HECW2: variants seen among roughly 807,000 people sequenced by gnomAD.
HECW2 encodes the protein HECT, C2 and WW domain containing E3 ubiquitin protein ligase 2, also known as E3 ubiquitin-protein ligase HECW2.
HECW2 carries 61 observed loss-of-function variants against 175.2 expected under a neutral mutation model. The ratio of observed to expected loss-of-function variants is 0.35; its 90% confidence interval spans 0.28 to 0.43. The LOEUF (loss-of-function observed/expected upper bound fraction) is 0.43, where lower values mean the gene tolerates loss of function less well. Ranked by LOEUF, HECW2 falls within the 20% of genes least tolerant of loss-of-function variation. The probability of loss-of-function intolerance (pLI) is 1.00; values close to 1 mark genes in which losing one functional copy is unlikely to be tolerated. For missense variants in HECW2, 1,524 were observed against 2,000.5 expected (o/e 0.76, Z 4.54); for synonymous variants, 671 against 731.0 (o/e 0.92, Z 1.32).
chr2:196,408,988 G>C (rs796146077), intron 2 of HECW2, among the ~76,000 whole-genome samples: 1 of 152,318 alleles, frequency 6.6e-6, no homozygotes, highest in African/African-American at 2.4e-5. Context: ...TGGTGTGCGG[G>C]AGTCTATTGT....
At chr2:196,479,982 T>C (rs971502540) in intron 1 of HECW2, among the ~76,000 whole-genome samples, 2 of 152,186 alleles carry the variant, frequency 1.3e-5, no homozygotes, top group Non-Finnish European at 2.9e-5. Flanking sequence ...ATTAAATGCT[T>C]TGACCTAGAA....
At chr2:196,355,760 G>A (rs754337814) in intron 2 of HECW2, among the ~76,000 whole-genome samples, 25 of 152,054 alleles carry the variant, frequency 1.6e-4, no homozygotes, top group Non-Finnish European at 3.4e-4. Context: ...TGTCCTGGTG[G>A]AGATTTTGGT....
chr2:196,272,670 C>G (rs1689783736), intron 16 of HECW2, among the ~76,000 whole-genome samples: 1 of 152,050 alleles, frequency 6.6e-6, no homozygotes, highest in African/African-American at 2.4e-5. Context: ...TATACAATAA[C>G]AATTTTAAAG....
In HECW2 at chr2:196,293,283, G is replaced by A. The variant is rs1690674942; in HGVS notation, c.2815-533C>T. 2.6e-5 allele frequency among the ~76,000 whole-genome samples: 4 copies of A among 152,260 alleles called. No homozygotes were observed. The South Asian group carries it at 6.2e-4, about 24-fold the overall frequency. On this transcript the variant is annotated intron_variant, in intron 13 of 28. Coordinates refer to ENST00000644978, the MANE Select transcript of HECW2 (RefSeq NM_001348768.2). ...TTTTCTGTTCCTGTGTTAGTTTGCT[G>A]AGGATAATGGCTTCCAGTTCCATCC...
At chr2:196,249,445 A>G (rs1183991692) in intron 19 of HECW2, among the ~76,000 whole-genome samples, 1 of 113,448 alleles carries the variant, frequency 8.8e-6, no homozygotes, top group African/African-American at 3.0e-5. Context: ...ATACATGTCA[A>G]CGTGCTTGGA....
intron 1 of HECW2, among the ~76,000 whole-genome samples, chr2:196,546,316 T>C (rs1689422046): frequency 6.6e-6 from 1 of 152,228 alleles, no homozygotes; most frequent in Admixed American, 6.5e-5. Context: ...CATCACTTGT[T>C]TACACGTCTC....
At chr2:196,392,418 A>T (rs1694540724) in intron 2 of HECW2, among the ~76,000 whole-genome samples, 1 of 152,106 alleles carries the variant, frequency 6.6e-6, no homozygotes, top group South Asian at 2.1e-4. Context: ...CTTTGCTTTT[A>T]AGTTTTATAT....
intron 2 of HECW2, 136 bp downstream of exon 2, chr2:196,432,996 A>T: frequency 1.3e-6 from 1 of 767,134 alleles, no homozygotes; most frequent in Non-Finnish European, 2.1e-6. Flanking sequence ...AGAAGAAAAA[A>T]AATAAATTCC....
intron 1 of HECW2, among the ~76,000 whole-genome samples, chr2:196,592,151 G>C (rs1440271300): frequency 6.6e-6 from 1 of 152,008 alleles, no homozygotes; most frequent in Non-Finnish European, 1.5e-5. Flanking sequence ...CTTTCACAAA[G>C]GTATATATAT....
At position 196,546,116 on chromosome 2, in the gene HECW2, G is replaced by A. The variant is rs72914649; in HGVS notation, c.-36+47392C>T. Among the ~76,000 whole-genome samples the A allele has an allele frequency of 8.1e-3, 1,234 of 152,330 alleles. 13 individuals carry two copies. Among genetic ancestry groups the A allele is most frequent in the Non-Finnish European group, 0.014 (947 of 68,022 alleles). On this transcript the variant is annotated intron_variant, in intron 1 of 28. Coordinates refer to ENST00000644978, the MANE Select transcript of HECW2 (RefSeq NM_001348768.2). Reference sequence around the variant, plus strand: ...ACGATAAGAAATTCAGAGGACAAAAGTGCATGTTTGCAAATTTATCTCCTA... The same window carrying A: ...ACGATAAGAAATTCAGAGGACAAAAATGCATGTTTGCAAATTTATCTCCTA...
At chr2:196,570,000 C>T (rs181986107) in intron 1 of HECW2, among the ~76,000 whole-genome samples, 11 of 152,308 alleles carry the variant, frequency 7.2e-5, no homozygotes, top group Admixed American at 4.6e-4. Flanking sequence ...GAATAGCCAA[C>T]GCACTCTAGC....
At chr2:196,332,530 T>G (rs1692405191) in intron 4 of HECW2, among the ~76,000 whole-genome samples, 1 of 152,214 alleles carries the variant, frequency 6.6e-6, no homozygotes, top group African/African-American at 2.4e-5. Flanking sequence ...GAAACCTGTT[T>G]GAAGCAAATT....
At chr2:196,501,326 C>T (rs1035007293) in intron 1 of HECW2, among the ~76,000 whole-genome samples, 6 of 152,172 alleles carry the variant, frequency 3.9e-5, no homozygotes, top group African/African-American at 7.2e-5. Context: ...CTCTGTTGCC[C>T]AGGCTGGAGC....
chr2:196,301,721 G>T (rs1391581516), intron 13 of HECW2, among the ~76,000 whole-genome samples: 1 of 135,478 alleles, frequency 7.4e-6, no homozygotes, highest in East Asian at 2.0e-4. Flanking sequence ...TTTTTAATGG[G>T]ATTGTTTTTT....
In HECW2 at chr2:196,329,513, C is replaced by G. The variant is rs182320591; in HGVS notation, c.571+62G>C. The stretch of plus-strand genomic sequence containing the variant: ...TACGAAAGTCTGCAGAAAGAAGTGA[C>G]TATTCATACCTTCGAAACTGTACAC... On this transcript the variant is annotated intron_variant, in intron 5 of 28. Coordinates refer to ENST00000644978, the MANE Select transcript of HECW2 (RefSeq NM_001348768.2). 27 of 1,335,112 alleles carry G rather than the reference C, an allele frequency of 2.0e-5. No homozygotes were observed. The East Asian group carries it at 5.1e-4, about 25-fold the overall frequency. The allele number at this position is 1,335,112 out of a possible 1,614,324, so 82.7% of individuals were successfully genotyped here. A position where few individuals can be genotyped will look rare whatever the true frequency, so the allele number is the denominator to read the frequency against.
At chr2:196,539,550 G>A (rs1293426189) in intron 1 of HECW2, among the ~76,000 whole-genome samples, 1 of 152,134 alleles carries the variant, frequency 6.6e-6, no homozygotes, top group Non-Finnish European at 1.5e-5. Flanking sequence ...CAGGAGAATG[G>A]TGTGAACCTG....
chr2:196,529,068 A>C (rs1176220672), intron 1 of HECW2, among the ~76,000 whole-genome samples: 3 of 152,230 alleles, frequency 2.0e-5, no homozygotes, highest in African/African-American at 4.8e-5. Context: ...TTATAACCAC[A>C]TGCAGAAGCC....
intron 2 of HECW2, among the ~76,000 whole-genome samples, chr2:196,373,889 G>A (rs914251593): frequency 1.1e-4 from 17 of 151,712 alleles, no homozygotes; most frequent in African/African-American, 2.9e-4. Flanking sequence ...AAAATTAGCC[G>A]GGCGTAGTGG....
intron 1 of HECW2, among the ~76,000 whole-genome samples, chr2:196,578,179 G>C (rs1017891668): frequency 6.6e-6 from 1 of 152,070 alleles, no homozygotes; most frequent in Non-Finnish European, 1.5e-5. Context: ...AAGCTTTAAA[G>C]GACCAAAAAG....
Sources: gnomAD v4.1 joint callset for allele counts (sites outside exome capture counted in the v4.1 genomes callset) on GRCh38, gnomAD v4.1.1 for gene constraint, MANE v1.5 for transcripts, NCBI Gene and HGNC (gene_info 2026-07-23, HGNC 2026-07-21) for gene names.